The following PHACTR3 variants were observed in gnomAD, a reference collection of about 807,000 sequenced individuals.
PHACTR3 encodes protein phosphatase 1, regulatory subunit 123.
A neutral mutation model predicts 66.8 loss-of-function variants in PHACTR3; 16 were observed. The ratio of observed to expected loss-of-function variants is 0.24; its 90% CI spans 0.16 to 0.36. The LOEUF (loss-of-function observed/expected upper bound fraction) is 0.36. Among genes scored for constraint, PHACTR3 ranks in the 10% least tolerant of loss-of-function variants. The pLI, the probability that PHACTR3 is intolerant of heterozygous loss-of-function variation, is 1.00. For missense variants in PHACTR3, 647 were observed against 719.9 expected (o/e 0.90, Z 1.16); for synonymous variants, 323 against 292.1 (o/e 1.11, Z -1.08).
chr20:59,751,881 G>A (rs1013234703), intron 3 of PHACTR3, among the ~76,000 whole-genome samples: 1 of 151,998 alleles, frequency 6.6e-6, no homozygotes, highest in African/African-American at 2.4e-5. Flanking sequence ...CCAAATCTCT[G>A]GTACAAGGGG....
chr20:59,817,727 C>T (rs573575844), intron 8 of PHACTR3, among the ~76,000 whole-genome samples: 1 of 152,308 alleles, frequency 6.6e-6, no homozygotes, highest in South Asian at 2.1e-4. Context: ...GCCATTGTGG[C>T]CAGAATTTCC....
intron 1 of PHACTR3, among the ~76,000 whole-genome samples, chr20:59,695,948 G>A (rs2146594800): frequency 6.6e-6 from 1 of 152,090 alleles, no homozygotes; most frequent in South Asian, 2.1e-4. Flanking sequence ...GGCCAGGCTG[G>A]TCTCAAACTC....
In PHACTR3 at chr20:59,769,301, G is replaced by T. The variant is rs568155826; in HGVS notation, c.751+1906G>T. 2.6e-5 allele frequency among the ~76,000 whole-genome samples: 4 copies of T among 152,314 alleles called. No individual in the cohort carries two copies. In the South Asian group the frequency reaches 8.3e-4, roughly 32 times the overall value. ...GAACATGACCTTGTTTGGAATAAGG[G>T]TCTCTCAACTGCCATTAAGTTAAAG... On this transcript the variant is annotated intron_variant, in intron 5 of 12. Transcript: ENST00000371015.
chr20:59,717,643 G>A (rs1014579822), intron 1 of PHACTR3, among the ~76,000 whole-genome samples: 4 of 152,072 alleles, frequency 2.6e-5, no homozygotes, highest in Non-Finnish European at 4.4e-5. Context: ...CCCCCAGCCC[G>A]TGTTCTTCCT....
intron 6 of PHACTR3, among the ~76,000 whole-genome samples, chr20:59,773,854 C>T (rs2040437909): frequency 6.6e-6 from 1 of 152,208 alleles, no homozygotes; most frequent in Non-Finnish European, 1.5e-5. Context: ...CTGCAGCTTA[C>T]TCTTATTTTG....
intron 1 of PHACTR3, among the ~76,000 whole-genome samples, chr20:59,586,860 A>G (rs1167241083): frequency 1.3e-5 from 2 of 152,202 alleles, no homozygotes; most frequent in Non-Finnish European, 2.9e-5. Context: ...GGGACAGAGT[A>G]ACGTGCCCAA....
intron 3 of PHACTR3, among the ~76,000 whole-genome samples, chr20:59,754,724 G>C (rs2039722486): frequency 6.6e-6 from 1 of 152,190 alleles, no homozygotes; most frequent in South Asian, 2.1e-4. Context: ...CCAGCTGCTG[G>C]GCATGTCTTC....
chr20:59,785,608 C>T (rs1318208947), intron 7 of PHACTR3, among the ~76,000 whole-genome samples: 1 of 152,216 alleles, frequency 6.6e-6, no homozygotes, highest in African/African-American at 2.4e-5. Flanking sequence ...CGCCAGCGAC[C>T]TGAGTTGACT....
intron 8 of PHACTR3, among the ~76,000 whole-genome samples, chr20:59,816,232 C>T (rs915687867): frequency 6.6e-5 from 10 of 152,040 alleles, no homozygotes; most frequent in African/African-American, 1.4e-4. Context: ...TGCTGAGAAT[C>T]GAATGCTGCT....
chr20:59,762,320 C>T (rs2040019942), intron 4 of PHACTR3, among the ~76,000 whole-genome samples: 2 of 152,276 alleles, frequency 1.3e-5, no homozygotes, highest in Admixed American at 6.5e-5. Context: ...TTACCCTTTA[C>T]CCTGTGCCTT....
intron 1 of PHACTR3, among the ~76,000 whole-genome samples, chr20:59,641,396 C>T (rs1007962831): frequency 6.6e-6 from 1 of 152,156 alleles, no homozygotes. Context: ...TGGTGTAGTT[C>T]TAGTGCGAGT....
rs74922082 is a variant in PHACTR3, at chr20:59,639,405, C to T, written c.118+34273C>T. Among the ~76,000 whole-genome samples the T allele has an allele frequency of 3.7e-3, 557 of 152,254 alleles. 1 individual carries two copies. Among genetic ancestry groups the T allele is most frequent in the African/African-American group, 0.011 (451 of 41,538 alleles). On this transcript the variant is annotated intron_variant, in intron 1 of 12. Transcript: ENST00000371015. Reference sequence around the variant, plus strand: ...TGGCCAAGAGGACCTCACAGCAATGCTCTGGTTACAGTCAGGGGAAGGCTG... The same window carrying T: ...TGGCCAAGAGGACCTCACAGCAATGTTCTGGTTACAGTCAGGGGAAGGCTG...
chr20:59,654,933 T>C (rs180878744), intron 1 of PHACTR3, among the ~76,000 whole-genome samples: 17 of 152,218 alleles, frequency 1.1e-4, no homozygotes, highest in African/African-American at 3.4e-4. Context: ...CTTTGTTTTA[T>C]TGAGTACTTC....
At chr20:59,605,634 G>C (rs1043339479) in intron 1 of PHACTR3, among the ~76,000 whole-genome samples, 2 of 152,222 alleles carry the variant, frequency 1.3e-5, no homozygotes, top group African/African-American at 2.4e-5. Context: ...ACCTGGGCGC[G>C]CTAGCCCCCG....
In PHACTR3 at chr20:59,635,150, T is replaced by TCTTTC. The variant is rs35413184; in HGVS notation, c.118+30018_118+30019insCTTTC. ...TTCTTTCTTTCTTTCTTTCTTTCTTTTTCTTTCTTTCTTTCTTTCCTTTCT... is the reference window on the plus strand; with the variant it reads ...TTCTTTCTTTCTTTCTTTCTTTCTTTCTTTCTTCTTTCTTTCTTTCTTTCCTTTCT... On this transcript the variant is annotated intron_variant, in intron 1 of 12. Coordinates refer to ENST00000371015, the MANE Select transcript of PHACTR3 (RefSeq NM_080672.5). Among the ~76,000 whole-genome samples the TCTTTC allele has an allele frequency of 2.1e-4, 4 of 19,202 alleles. 1 individual carries two copies. In the East Asian group the frequency reaches 9.1e-3, roughly 44 times the overall value. The allele number at this position is 19,202 out of a possible 152,430, so 12.6% of individuals were successfully genotyped here.
At chr20:59,659,661 G>A (rs992058187) in intron 1 of PHACTR3, among the ~76,000 whole-genome samples, 32 of 152,228 alleles carry the variant, frequency 2.1e-4, no homozygotes, top group East Asian at 3.9e-4. Flanking sequence ...GTGAGCCACC[G>A]CAACTGGCCG....
chr20:59,696,986 G>A (rs2037321242), intron 1 of PHACTR3, among the ~76,000 whole-genome samples: 7 of 152,194 alleles, frequency 4.6e-5, no homozygotes, highest in Admixed American at 3.9e-4. Context: ...TTCAGCAGAG[G>A]GTGCTGGGAT....
Position 59,745,831 on chromosome 20 carries a change from G to A in PHACTR3, c.281-1927G>A, listed in dbSNP as rs6100574. On this transcript the variant is annotated intron_variant, in intron 2 of 12. Coordinates refer to ENST00000371015, the MANE Select transcript of PHACTR3 (RefSeq NM_080672.5). ...CTTCACAAGCTGCACCACCACTGAC[G>A]TCCCCATCCCCGAGAGGGGGAGGGT... is the stretch of plus-strand genomic sequence containing the variant. Among the ~76,000 whole-genome samples the A allele has an allele frequency of 8.3e-4, 127 of 152,316 alleles. 1 individual carries two copies. Among genetic ancestry groups the A allele is most frequent in the African/African-American group, 2.4e-3 (101 of 41,582 alleles).
At chr20:59,837,186 C>T (rs1455448958) in intron 9 of PHACTR3, among the ~76,000 whole-genome samples, 1 of 152,170 alleles carries the variant, frequency 6.6e-6, no homozygotes, top group African/African-American at 2.4e-5. Flanking sequence ...GTGGCCAAAC[C>T]TCTTGAAAAA....
Sources: allele counts gnomAD v4.1 joint callset (sites outside exome capture counted in the v4.1 genomes callset), GRCh38; gene constraint gnomAD v4.1.1; transcripts MANE v1.5; gene names NCBI Gene and HGNC (gene_info 2026-07-23, HGNC 2026-07-21).